SRPK2: variants seen among roughly 807,000 people sequenced by gnomAD.
The protein encoded by SRPK2 is SFRS protein kinase 2.
Under a neutral mutation model 90.8 loss-of-function variants are expected in SRPK2, and 21 were observed. The observed-to-expected ratio is 0.23, with a 90% CI of 0.16 to 0.33. The LOEUF is 0.33. Ranked by LOEUF, SRPK2 falls within the 10% of genes least tolerant of loss-of-function variation. SRPK2 has a pLI of 1.00. For synonymous variants in SRPK2, 288 were observed against 311.1 expected (o/e 0.93, Z 0.78); for missense variants, 620 against 869.0 (o/e 0.71, Z 3.60).
intron 2 of SRPK2, among the ~76,000 whole-genome samples, chr7:105,275,014 G>A (rs1283217169): frequency 6.6e-6 from 1 of 151,854 alleles, no homozygotes. Context: ...CAGCCTCCGG[G>A]ATAGCTGGGA....
intron 2 of SRPK2, among the ~76,000 whole-genome samples, chr7:105,313,760 C>T (rs1404777106): frequency 6.6e-6 from 1 of 151,406 alleles, no homozygotes; most frequent in Non-Finnish European, 1.5e-5. Context: ...CAAAAAAAAG[C>T]AAGAGACATC....
chr7:105,267,147 A>G (rs192144727), intron 2 of SRPK2, among the ~76,000 whole-genome samples: 1 of 152,338 alleles, frequency 6.6e-6, no homozygotes, highest in East Asian at 1.9e-4. Flanking sequence ...AATAACCACC[A>G]GAGTGTAGGT....
In SRPK2 at chr7:105,256,281, G is replaced by A. The variant is rs367814854; in HGVS notation, c.72-52496C>T. Among the ~76,000 whole-genome samples, 6 of 152,260 alleles carry A rather than the reference G, an allele frequency of 3.9e-5. No individual in the cohort carries two copies. The East Asian group carries it at 1.2e-3, about 29-fold the overall frequency. On this transcript the variant is annotated intron_variant, in intron 2 of 15. Transcript: ENST00000393651. Reference sequence around the variant, plus strand: ...TACCATAGGCTGAATCTGAAGAGGAGATACTCTTATTGTTAAGGCTGTTTT... The same window carrying A: ...TACCATAGGCTGAATCTGAAGAGGAAATACTCTTATTGTTAAGGCTGTTTT...
chr7:105,156,702 C>A (rs918462360), intron 7 of SRPK2, among the ~76,000 whole-genome samples: 1 of 152,054 alleles, frequency 6.6e-6, no homozygotes, highest in Non-Finnish European at 1.5e-5. Context: ...CACGGTCTTG[C>A]GATGTTGCCC....
Position 105,132,913 on chromosome 7 carries a change from G to A in SRPK2, c.1645-15C>T. ...AAGTGTTTATGCTGGAAGGGAACAG[G>A]CTGCATTACCACGGAGCAACACAGA... On this transcript the variant is annotated splice_polypyrimidine_tract_variant and intron_variant, in intron 12 of 15. Transcript: ENST00000393651. 1.2e-6 allele frequency: 2 copies of A among 1,612,582 alleles called. No homozygotes were observed. The highest frequency in any genetic ancestry group is 1.7e-6 in the Non-Finnish European group (2 of 1,178,802).
rs145947255 is a variant in SRPK2, at chr7:105,173,652, C to G, written c.230-4387G>C. The stretch of plus-strand genomic sequence containing the variant: ...TTAGCAATGGAACCCCATGGTCTAC[C>G]ACATTGCCCAGCACACAAGAAAACA... On this transcript the variant is annotated intron_variant, in intron 3 of 15. Coordinates refer to ENST00000393651, the MANE Select transcript of SRPK2 (RefSeq NM_182692.3). Among the ~76,000 whole-genome samples the G allele has an allele frequency of 2.8e-3, 419 of 152,286 alleles. 1 individual carries two copies. Among genetic ancestry groups the G allele is most frequent in the South Asian group, 8.9e-3 (43 of 4,826 alleles).
intron 7 of SRPK2, among the ~76,000 whole-genome samples, chr7:105,149,450 AT>A (rs1199524473): frequency 2.6e-5 from 4 of 151,926 alleles, no homozygotes; most frequent in African/African-American, 7.3e-5. Flanking sequence ...CTCCTACTAC[AT>A]TCCTTTTTGC....
At chr7:105,174,956 T>TA (rs1791640942) in intron 3 of SRPK2, among the ~76,000 whole-genome samples, 1 of 152,012 alleles carries the variant, frequency 6.6e-6, no homozygotes, top group Non-Finnish European at 1.5e-5. Context: ...CCAGCCTGGC[T>TA]AATGTGACAA....
intron 2 of SRPK2, chr7:105,245,028 A>AAAAC (rs1205915512): frequency 1.8e-6 from 1 of 562,124 alleles, no homozygotes; most frequent in Admixed American, 2.7e-5. Flanking sequence ...AAAACAAAAC[A>AAAAC]AAACAAACAC....
intron 11 of SRPK2, among the ~76,000 whole-genome samples, chr7:105,141,074 A>ATGAAGG (rs1803681867): frequency 6.6e-6 from 1 of 152,226 alleles, no homozygotes; most frequent in South Asian, 2.1e-4. Context: ...CCTACATTCT[A>ATGAAGG]TGTAAGCACC....
At chr7:105,131,181 T>G (rs1801945728) in intron 13 of SRPK2, among the ~76,000 whole-genome samples, 1 of 152,132 alleles carries the variant, frequency 6.6e-6, no homozygotes, top group Non-Finnish European at 1.5e-5. Flanking sequence ...GTTCAAAGAG[T>G]ACTTAGCGCC....
At chr7:105,376,966 C>G (rs1012524493) in intron 2 of SRPK2, among the ~76,000 whole-genome samples, 14 of 151,688 alleles carry the variant, frequency 9.2e-5, no homozygotes, top group African/African-American at 3.4e-4. Flanking sequence ...AAAAAGGACC[C>G]TGCTCTATCT....
At chr7:105,307,323 T>C (rs994396833) in intron 2 of SRPK2, among the ~76,000 whole-genome samples, 1 of 152,226 alleles carries the variant, frequency 6.6e-6, no homozygotes, top group Non-Finnish European at 1.5e-5. Context: ...AGAAAAATTC[T>C]ATGACGTTTT....
At chr7:105,194,154 T>G (rs1432243950) in intron 3 of SRPK2, among the ~76,000 whole-genome samples, 1 of 152,202 alleles carries the variant, frequency 6.6e-6, no homozygotes, top group Non-Finnish European at 1.5e-5. Flanking sequence ...CTCTAATAAA[T>G]CCTTCCCTAC....
intron 3 of SRPK2, among the ~76,000 whole-genome samples, chr7:105,192,224 C>T (rs1486668215): frequency 6.6e-6 from 1 of 152,084 alleles, no homozygotes; most frequent in Non-Finnish European, 1.5e-5. Context: ...CCCTTTCCCC[C>T]TGAGTCCCCA....
chr7:105,386,500 A>G (rs569834898), intron 2 of SRPK2, among the ~76,000 whole-genome samples: 1 of 152,148 alleles, frequency 6.6e-6, no homozygotes, highest in Non-Finnish European at 1.5e-5. Flanking sequence ...AATCACCTGA[A>G]GTCAGGAGTT....
At chr7:105,170,909 AAGAAAGGAG>A (rs1585038239) in intron 3 of SRPK2, among the ~76,000 whole-genome samples, 105 of 125,242 alleles carry the variant, frequency 8.4e-4, no homozygotes, top group Admixed American at 2.1e-3. Flanking sequence ...GAAAGAAAGA[AAGAAAGGAG>A]AAAGAAAAAG....
chr7:105,259,834 T>C (rs1298074009), intron 2 of SRPK2, among the ~76,000 whole-genome samples: 3 of 152,100 alleles, frequency 2.0e-5, no homozygotes, highest in African/African-American at 7.2e-5. Flanking sequence ...GCTAGCCATA[T>C]GTAGAAAGCT....
intron 2 of SRPK2, among the ~76,000 whole-genome samples, chr7:105,291,717 G>A (rs557492949): frequency 3.9e-5 from 6 of 152,156 alleles, no homozygotes; most frequent in East Asian, 3.9e-4. Flanking sequence ...GCAACAGAAC[G>A]AGATTTTTTT....
Sources: allele counts gnomAD v4.1 joint callset (sites outside exome capture counted in the v4.1 genomes callset), GRCh38; gene constraint gnomAD v4.1.1; transcripts MANE v1.5; gene names NCBI Gene and HGNC (gene_info 2026-07-23, HGNC 2026-07-21).